The following GALNT13 variants were observed in gnomAD, a reference collection of about 807,000 sequenced individuals.
The protein encoded by GALNT13 is UDP-GalNAc:polypeptide N-acetylgalactosaminyltransferase 13.
Under a neutral mutation model 64.2 loss-of-function variants are expected in GALNT13, and 28 were observed. The observed-to-expected ratio is 0.44, with a 90% CI of 0.32 to 0.60. The LOEUF (loss-of-function observed/expected upper bound fraction) is 0.60. GALNT13 is among the 20% of genes least tolerant of loss of function. GALNT13 has a pLI of 0.05. For synonymous variants in GALNT13, 214 were observed against 224.6 expected, an observed-to-expected ratio of 0.95 and a Z score of 0.42; for missense variants, 577 against 669.8, an observed-to-expected ratio of 0.86 and a Z score of 1.53.
chr2:153,820,719 T>G, the GALNT13 span, among the ~76,000 whole-genome samples: 25 of 152,260 alleles, frequency 1.6e-4, no homozygotes, highest in African/African-American at 5.3e-4. Flanking sequence ...ATGGGAGTTC[T>G]AAACATAAAA....
chr2:153,578,453 T>G, the GALNT13 span, among the ~76,000 whole-genome samples: 1 of 152,200 alleles, frequency 6.6e-6, no homozygotes, highest in Non-Finnish European at 1.5e-5. Flanking sequence ...TGAAAAATGA[T>G]GCATTGCTTT....
At chr2:153,593,200 C>T in the GALNT13 span, 2 of 152,324 alleles carry the variant, frequency 1.3e-5, no homozygotes, top group African/African-American at 4.8e-5. Flanking sequence ...CCATCTCGCT[C>T]ACCATCTGTA....
chr2:153,560,374 C>T, the GALNT13 span, among the ~76,000 whole-genome samples: 4 of 151,902 alleles, frequency 2.6e-5, no homozygotes, highest in Non-Finnish European at 1.5e-5. Context: ...TTACTTAACG[C>T]TAGACGAATA....
the GALNT13 span, among the ~76,000 whole-genome samples, chr2:153,662,666 G>T: frequency 2.6e-5 from 4 of 152,092 alleles, no homozygotes; most frequent in African/African-American, 9.7e-5. Flanking sequence ...ACTTTGTCCA[G>T]TTTCTATAAT....
the GALNT13 span, among the ~76,000 whole-genome samples, chr2:153,087,342 G>T: frequency 6.6e-6 from 1 of 152,158 alleles, no homozygotes; most frequent in Non-Finnish European, 1.5e-5. Context: ...ACTTGATCAT[G>T]GTGGATTATC....
At chr2:153,572,763 CT>C in the GALNT13 span, among the ~76,000 whole-genome samples, 2 of 151,766 alleles carry the variant, frequency 1.3e-5, no homozygotes, top group African/African-American at 4.8e-5. Flanking sequence ...AAAATTCCTC[CT>C]GTTATTAATT....
chr2:153,612,730 A>G, the GALNT13 span, among the ~76,000 whole-genome samples: 1 of 152,180 alleles, frequency 6.6e-6, no homozygotes, highest in Non-Finnish European at 1.5e-5. Context: ...ATGATCTTTT[A>G]GAAATATATT....
the GALNT13 span, among the ~76,000 whole-genome samples, chr2:153,392,149 T>A: frequency 6.7e-6 from 1 of 149,758 alleles, no homozygotes; most frequent in African/African-American, 2.4e-5. Flanking sequence ...TATACTACAT[T>A]TTATATTTTA....
At chr2:153,680,099 C>T in the GALNT13 span, among the ~76,000 whole-genome samples, 33 of 151,286 alleles carry the variant, frequency 2.2e-4, no homozygotes, top group Non-Finnish European at 4.1e-4. Context: ...CTTCATCTTC[C>T]GTTAAGAAGA....
At chr2:153,403,702 C>T in the GALNT13 span, among the ~76,000 whole-genome samples, 1 of 152,174 alleles carries the variant, frequency 6.6e-6, no homozygotes, top group Non-Finnish European at 1.5e-5. Context: ...CAGGTGCTGT[C>T]CGTCACCCCT....
At chr2:153,803,238 A>G in the GALNT13 span, among the ~76,000 whole-genome samples, 1 of 152,208 alleles carries the variant, frequency 6.6e-6, no homozygotes, top group African/African-American at 2.4e-5. Flanking sequence ...TTATTTCAGT[A>G]TATTAATGCT....
the GALNT13 span, among the ~76,000 whole-genome samples, chr2:153,749,884 A>G: frequency 1 from 151,601 of 152,044 alleles, 75,582 homozygotes; most frequent in East Asian, 1. Context: ...AATGGTGAAA[A>G]TGTGCATTCT....
chr2:154,411,453 G>A (rs566278303), intron 11 of GALNT13, among the ~76,000 whole-genome samples: 8 of 151,466 alleles, frequency 5.3e-5, no homozygotes, highest in East Asian at 3.9e-4. Context: ...CATGGTATAC[G>A]CACAGTATAG....
At chr2:153,230,273 G>A in the GALNT13 span, among the ~76,000 whole-genome samples, 32 of 152,272 alleles carry the variant, frequency 2.1e-4, no homozygotes, top group African/African-American at 7.7e-4. Flanking sequence ...CTTATAGAGC[G>A]ACAAAGAATA....
At chr2:154,289,629 T>G (rs1692485183) in intron 8 of GALNT13, among the ~76,000 whole-genome samples, 1 of 152,072 alleles carries the variant, frequency 6.6e-6, no homozygotes, top group East Asian at 1.9e-4. Context: ...CCACAACACA[T>G]GGGAATCATG....
At chr2:153,084,005 A>G in the GALNT13 span, among the ~76,000 whole-genome samples, 45 of 152,016 alleles carry the variant, frequency 3.0e-4, no homozygotes, top group African/African-American at 1.1e-3. Context: ...TTGTTTCTCC[A>G]CTTTATGTTT....
At chr2:153,835,861 A>AGTGAT in the GALNT13 span, among the ~76,000 whole-genome samples, 1 of 152,002 alleles carries the variant, frequency 6.6e-6, no homozygotes, top group African/African-American at 2.4e-5. Flanking sequence ...ATATGACTTG[A>AGTGAT]CTGATCTGGC....
chr2:153,179,311 G>T, the GALNT13 span, among the ~76,000 whole-genome samples: 1 of 152,056 alleles, frequency 6.6e-6, no homozygotes, highest in Non-Finnish European at 1.5e-5. Context: ...CAACATAAAA[G>T]GCACATTTGT....
intron 11 of GALNT13, among the ~76,000 whole-genome samples, chr2:154,416,180 G>T (rs1193510326): frequency 1.3e-5 from 2 of 151,962 alleles, no homozygotes; most frequent in African/African-American, 4.8e-5. Context: ...AGTCTATCTG[G>T]GTTGCTATAA....
Sources: gnomAD v4.1 joint callset for allele counts (sites outside exome capture counted in the v4.1 genomes callset) on GRCh38, gnomAD v4.1.1 for gene constraint, MANE v1.5 for transcripts, NCBI Gene and HGNC (gene_info 2026-07-23, HGNC 2026-07-21) for gene names.